Variants in CADPS2 observed in about 807,000 individuals in gnomAD.
The protein encoded by CADPS2 is calcium dependent secretion activator 2.
CADPS2 carries 93 observed loss-of-function variants against 172.5 expected under a neutral mutation model. That is an observed-to-expected ratio of 0.54 (90% confidence interval 0.46 to 0.64). The LOEUF is 0.64. Ranked by LOEUF, CADPS2 falls within the 30% of genes least tolerant of loss-of-function variation. The pLI is 0.00. For missense variants in CADPS2, 1,420 were observed against 1,565.9 expected, an observed-to-expected ratio of 0.91 and a Z score of 1.57; for synonymous variants, 546 against 555.2, an observed-to-expected ratio of 0.98 and a Z score of 0.23.
At chr7:122,469,549 G>C (rs903654187) in intron 14 of CADPS2, among the ~76,000 whole-genome samples, 1 of 152,130 alleles carries the variant, frequency 6.6e-6, no homozygotes, top group Non-Finnish European at 1.5e-5. Context: ...GTGTGAGATA[G>C]TGGGGAAAAA....
intron 2 of CADPS2, among the ~76,000 whole-genome samples, chr7:122,713,014 A>T (rs1421394273): frequency 6.6e-6 from 1 of 151,986 alleles, no homozygotes; most frequent in African/African-American, 2.4e-5. Flanking sequence ...CACAAAAATA[A>T]ATCCTGTCCC....
intron 2 of CADPS2, among the ~76,000 whole-genome samples, chr7:122,687,584 T>C (rs1029892772): frequency 6.6e-6 from 1 of 152,216 alleles, no homozygotes; most frequent in East Asian, 1.9e-4. Context: ...GCCTATCTCA[T>C]AGCATTACTG....
intron 25 of CADPS2, among the ~76,000 whole-genome samples, chr7:122,367,710 ATTTTTTT>A (rs57790964): frequency 5.0e-4 from 30 of 60,144 alleles, no homozygotes; most frequent in South Asian, 1.5e-3. Flanking sequence ...TGCCCAGCTA[ATTTTTTT>A]TTTTTTTTTT....
chr7:122,637,185 T>A lies in CADPS2; in HGVS notation c.787-7857A>T. 9.5e-5 allele frequency among the ~76,000 whole-genome samples: 2 copies of A among 21,012 alleles called. 1 individual carries two copies. Among genetic ancestry groups the A allele is most frequent in the East Asian group, 8.0e-3 (2 of 250 alleles). The allele number at this position is 21,012 out of a possible 152,430, so 13.8% of individuals were successfully genotyped here. ...ATGAAATTTTGCTTTTTTTTTTTTTTTTTTTTTTTTTTTTTTTTTTTTTCC... is the reference window on the plus strand; with the variant it reads ...ATGAAATTTTGCTTTTTTTTTTTTTATTTTTTTTTTTTTTTTTTTTTTTCC... On this transcript the variant is annotated intron_variant, in intron 3 of 29. Coordinates refer to ENST00000449022, the MANE Select transcript of CADPS2 (RefSeq NM_017954.11).
intron 17 of CADPS2, among the ~76,000 whole-genome samples, chr7:122,430,467 A>G (rs1348496808): frequency 6.6e-6 from 1 of 152,232 alleles, no homozygotes; most frequent in Non-Finnish European, 1.5e-5. Context: ...ATTTGCATCA[A>G]CAAGGCACAT....
At chr7:122,434,660 C>T (rs2050406306) in intron 17 of CADPS2, among the ~76,000 whole-genome samples, 1 of 152,062 alleles carries the variant, frequency 6.6e-6, no homozygotes, top group Non-Finnish European at 1.5e-5. Flanking sequence ...TCATAACAGG[C>T]ACACGTAGTT....
chr7:122,713,712 C>T (rs2089147973), intron 2 of CADPS2, among the ~76,000 whole-genome samples: 1 of 151,706 alleles, frequency 6.6e-6, no homozygotes, highest in South Asian at 2.1e-4. Context: ...ACACAAATAC[C>T]TAGTAACACC....
At chr7:122,646,787 T>C (rs2471195) in intron 3 of CADPS2, among the ~76,000 whole-genome samples, 80,822 of 151,798 alleles carry the variant, frequency 0.53, 21,735 homozygotes, top group East Asian at 0.73. Flanking sequence ...ATGATGTTTA[T>C]CTAAAAACAA....
intron 1 of CADPS2, among the ~76,000 whole-genome samples, chr7:122,754,751 T>A (rs1474422493): frequency 1.3e-5 from 2 of 152,164 alleles, no homozygotes; most frequent in Non-Finnish European, 2.9e-5. Flanking sequence ...CTGGGATTAC[T>A]GGCATAAGCC....
chr7:122,527,617 A>AGAGAGAGAGAGTGTGTGTGTGT, intron 8 of CADPS2, among the ~76,000 whole-genome samples: 138 of 83,852 alleles, frequency 1.6e-3, no homozygotes, highest in Non-Finnish European at 3.3e-3. Flanking sequence ...AGAGAGAGAG[A>AGAGAGAGAGAGTGTGTGTGTGT]GTGTGTGTGT....
intron 14 of CADPS2, among the ~76,000 whole-genome samples, chr7:122,458,525 A>C (rs1045820117): frequency 6.6e-6 from 1 of 152,222 alleles, no homozygotes; most frequent in East Asian, 1.9e-4. Flanking sequence ...CTATGAAAAA[A>C]TATTTTAAAA....
At chr7:122,634,379 T>G (rs1183565714) in intron 3 of CADPS2, among the ~76,000 whole-genome samples, 21 of 152,194 alleles carry the variant, frequency 1.4e-4, no homozygotes, top group Non-Finnish European at 1.5e-5. Flanking sequence ...GGTTTTCACT[T>G]CCTGCCTGGT....
chr7:122,480,486 A>T (rs2057157689), intron 12 of CADPS2, among the ~76,000 whole-genome samples: 2 of 152,204 alleles, frequency 1.3e-5, no homozygotes, highest in Non-Finnish European at 2.9e-5. Flanking sequence ...AATATTTTAG[A>T]TGTAATTCTA....
intron 28 of CADPS2, among the ~76,000 whole-genome samples, chr7:122,343,963 A>AT (rs890724719): frequency 3.3e-5 from 5 of 152,144 alleles, no homozygotes; most frequent in Admixed American, 1.3e-4. Context: ...TTAGAAAATC[A>AT]TTTTTTTCAC....
intron 25 of CADPS2, among the ~76,000 whole-genome samples, chr7:122,373,454 GT>G (rs906063538): frequency 6.6e-6 from 1 of 152,092 alleles, no homozygotes; most frequent in African/African-American, 2.4e-5. Context: ...AGATGTTTTA[GT>G]TTTTCTTAAT....
chr7:122,436,419 C>T (rs1300570624), intron 17 of CADPS2: 1 of 1,225,216 alleles, frequency 8.2e-7, no homozygotes, highest in Non-Finnish European at 1.1e-6. Flanking sequence ...GAAAAGCAAA[C>T]TCTACCCTTG....
At chr7:122,386,678 G>A (rs1222430569) in intron 24 of CADPS2, among the ~76,000 whole-genome samples, 1 of 151,986 alleles carries the variant, frequency 6.6e-6, no homozygotes, top group East Asian at 1.9e-4. Flanking sequence ...TTTTATAGAT[G>A]CAAACTCTGG....
In CADPS2 at chr7:122,825,675, C is replaced by G. The variant is rs977202892; in HGVS notation, c.339+60324G>C. 6.6e-5 allele frequency among the ~76,000 whole-genome samples: 10 copies of G among 152,118 alleles called. 1 individual carries two copies. In the South Asian group the frequency reaches 2.1e-3, roughly 32 times the overall value. ...TTTCCTTAATTTTTATCTTTACATT[C>G]TTTAACTTTTTTTAATTAAAATTTT... is the stretch of plus-strand genomic sequence containing the variant. On this transcript the variant is annotated intron_variant, in intron 1 of 29. Coordinates refer to ENST00000449022, the MANE Select transcript of CADPS2 (RefSeq NM_017954.11).
chr7:122,461,988 C>T (rs1449186559), intron 14 of CADPS2, among the ~76,000 whole-genome samples: 1 of 152,134 alleles, frequency 6.6e-6, no homozygotes, highest in Admixed American at 6.5e-5. Context: ...TAGCACTGTA[C>T]ACCTAGCAAA....
Sources: allele counts gnomAD v4.1 joint callset (sites outside exome capture counted in the v4.1 genomes callset), GRCh38; gene constraint gnomAD v4.1.1; transcripts MANE v1.5; gene names NCBI Gene and HGNC (gene_info 2026-07-23, HGNC 2026-07-21).